Variants in PIK3R6 observed in about 807,000 individuals in gnomAD.
PIK3R6 encodes phosphoinositide 3-kinase regulatory subunit 6.
PIK3R6 carries 91 observed loss-of-function variants against 84.9 expected under a neutral mutation model. The observed-to-expected ratio is 1.07, with a 90% CI of 0.90 to 1.28. The LOEUF is 1.28. PIK3R6 is among the 50% of genes most tolerant of loss of function. PIK3R6 has a pLI of 0.00. For missense variants in PIK3R6, 996 were observed against 985.1 expected (o/e 1.01, Z -0.15); for synonymous variants, 416 against 411.4 (o/e 1.01, Z -0.13).
At chr17:8,829,225 A>T (rs1567587189) in intron 10 of PIK3R6, among the ~76,000 whole-genome samples, 3 of 145,746 alleles carry the variant, frequency 2.1e-5, no homozygotes, top group Non-Finnish European at 4.4e-5. Context: ...ACACACACAC[A>T]GAGACACACT....
In PIK3R6 at chr17:8,834,476, C is replaced by T. The variant is rs142266189; in HGVS notation, c.645+797G>A. On this transcript the variant is annotated intron_variant, in intron 8 of 19. Coordinates refer to ENST00000619866, the MANE Select transcript of PIK3R6 (RefSeq NM_001010855.4). The stretch of plus-strand genomic sequence containing the variant: ...GTGGTACAGTCACAGCTCACTGCAG[C>T]CTTGAACTTGGCTCAAGTGATCCTC... Among the ~76,000 whole-genome samples, 624 of 151,904 alleles carry T rather than the reference C, an allele frequency of 4.1e-3. 2 individuals are homozygous for T. The highest frequency in any genetic ancestry group is 0.014 in the African/African-American group (587 of 41,454).
chr17:8,828,375 G>C (rs2088022125), intron 11 of PIK3R6, among the ~76,000 whole-genome samples, 185 bp from the exon 12 acceptor site: 1 of 151,826 alleles, frequency 6.6e-6, no homozygotes, highest in Non-Finnish European at 1.5e-5. Flanking sequence ...GGTTCACGGA[G>C]CTAACGAACA....
Position 8,808,377 on chromosome 17 carries a change from T to A in PIK3R6, c.1996-4224A>T, listed in dbSNP as rs575443736. On this transcript the variant is annotated intron_variant, in intron 18 of 19. Transcript: ENST00000619866. ...CAACAGTAAGAGACTTTAGCATCCATGGATTTTTGTATCCTTGGGGGTCCC... is the reference window on the plus strand; with the variant it reads ...CAACAGTAAGAGACTTTAGCATCCAAGGATTTTTGTATCCTTGGGGGTCCC... Among the ~76,000 whole-genome samples the A allele has an allele frequency of 2.0e-5, 3 of 152,064 alleles. No individual in the cohort carries two copies. In the East Asian group the frequency reaches 6.0e-4, roughly 31 times the overall value.
intron 13 of PIK3R6, 69 bp downstream of exon 13, chr17:8,827,103 C>T (rs534094747): frequency 1.8e-5 from 27 of 1,539,886 alleles, no homozygotes; most frequent in African/African-American, 8.2e-5. Context: ...TGGGCTCCTC[C>T]GTTCTCCCCT....
intron 17 of PIK3R6, among the ~76,000 whole-genome samples, chr17:8,819,958 T>A (rs570333800): frequency 0.25 from 34,063 of 134,538 alleles, 4,543 homozygotes; most frequent in East Asian, 0.43. Flanking sequence ...TATATATATT[T>A]TTTTTTTGAG....
rs186787600 is a variant in PIK3R6 at position 8,823,267 on chromosome 17, T to C, written c.1626+120A>G. The C allele has an allele frequency of 1.0e-3, 875 of 836,038 alleles. 2 individuals carry two copies. Among genetic ancestry groups the C allele is most frequent in the Middle Eastern group, 2.0e-3 (6 of 2,958 alleles). 51.8% of individuals were successfully genotyped at this position (836,038 alleles called of 1,614,324 possible). On this transcript the variant is annotated intron_variant, in intron 14 of 19. Coordinates refer to ENST00000619866, the MANE Select transcript of PIK3R6 (RefSeq NM_001010855.4). ...TTAGAGATGAAGAAGGTAACGTTAA[T>C]AACCAAGAGCGTCTGGGTGTGTTCA...
intron 9 of PIK3R6, among the ~76,000 whole-genome samples, chr17:8,830,979 T>TA (rs534420730): frequency 6.7e-4 from 102 of 151,324 alleles, no homozygotes; most frequent in African/African-American, 2.4e-3. Context: ...CCGTCTCTAC[T>TA]AAAAAAACAC....
chr17:8,838,658 G>A lies in PIK3R6; in HGVS notation c.98-3C>T, dbSNP rs1259126105. 3.8e-6 allele frequency: 6 copies of A among 1,594,438 alleles called. No homozygotes were observed. The highest frequency in any genetic ancestry group is 5.1e-6 in the Non-Finnish European group (6 of 1,170,436). On this transcript the variant is annotated splice_polypyrimidine_tract_variant and splice_region_variant and intron_variant, in intron 3 of 19. Coordinates refer to ENST00000619866, the MANE Select transcript of PIK3R6 (RefSeq NM_001010855.4). Reference sequence around the variant, plus strand: ...GTGCAGGGACCACCTCCACATGCCTGGGCCAGGAGAAAGGGGAGCCCGGCA... The same window carrying A: ...GTGCAGGGACCACCTCCACATGCCTAGGCCAGGAGAAAGGGGAGCCCGGCA...
chr17:8,812,675 T>A (rs2087393559), intron 18 of PIK3R6, among the ~76,000 whole-genome samples: 1 of 152,060 alleles, frequency 6.6e-6, no homozygotes, highest in Non-Finnish European at 1.5e-5. Flanking sequence ...ATGATAAAAT[T>A]AAGGCAGAAA....
chr17:8,848,430 G>A (rs1045141026), intron 2 of PIK3R6, among the ~76,000 whole-genome samples: 6 of 151,528 alleles, frequency 4.0e-5, no homozygotes, highest in Admixed American at 3.3e-4. Context: ...TTTCATCATT[G>A]TATGAATATC....
intron 9 of PIK3R6, among the ~76,000 whole-genome samples, chr17:8,830,836 C>T (rs980700858): frequency 2.6e-5 from 4 of 152,148 alleles, no homozygotes; most frequent in African/African-American, 9.7e-5. Flanking sequence ...GGGGGTGCTG[C>T]CTGGTCATTA....
chr17:8,803,369 C>T lies in PIK3R6; in HGVS notation c.2169G>A (p.Trp723Ter). The change falls in exon 20 of 20, where the codon TGG (tryptophan) becomes TGA (stop). Residue 723 changes from tryptophan to a stop codon, truncating the protein, a stop_gained. Transcript: ENST00000619866. LOFTEE classifies it low-confidence loss of function (END_TRUNC). This position sits in a 1 kb window ranked among gnomAD's most constrained non-coding sequence, Gnocchi z 5.0. ...CCTCCTGTTGCCCATGCAAATTGAG[C>T]CACGGTGCCTTGGACTTCTGGGCCC... ...CSGAQKSKAPWLNLHGQQEVE... is the reference protein window; with the variant it reads ...CSGAQKSKAP 1 of 1,613,580 alleles carries T rather than the reference C, an allele frequency of 6.2e-7. No homozygotes were observed. Among genetic ancestry groups the T allele is most frequent in the Non-Finnish European group, 8.5e-7 (1 of 1,179,746 alleles).
At chr17:8,840,272 G>A (rs35551257) in intron 2 of PIK3R6, among the ~76,000 whole-genome samples, 7,016 of 66,020 alleles carry the variant, frequency 0.11, 826 homozygotes, top group African/African-American at 0.21. Flanking sequence ...CTACAAATAT[G>A]TATATGAAAT....
intron 2 of PIK3R6, among the ~76,000 whole-genome samples, chr17:8,843,152 A>G (rs2088728894): frequency 1.3e-5 from 2 of 152,240 alleles, no homozygotes; most frequent in Non-Finnish European, 2.9e-5. Flanking sequence ...CATTTAGCTC[A>G]GCATGAAGGT....
At chr17:8,827,866 CA>C (rs1355536680) in intron 12 of PIK3R6, among the ~76,000 whole-genome samples, 1 of 133,566 alleles carries the variant, frequency 7.5e-6, no homozygotes, top group Non-Finnish European at 1.6e-5. Context: ...CCTACAAAAA[CA>C]AAACAAATAG....
At chr17:8,847,157 T>C (rs1335355061) in intron 2 of PIK3R6, among the ~76,000 whole-genome samples, 1 of 152,176 alleles carries the variant, frequency 6.6e-6, no homozygotes, top group African/African-American at 2.4e-5. Flanking sequence ...GCAGGACAAA[T>C]ACTGTTCTCC....
intron 18 of PIK3R6, among the ~76,000 whole-genome samples, chr17:8,815,829 G>T (rs2087516382): frequency 6.6e-6 from 1 of 152,202 alleles, no homozygotes; most frequent in African/African-American, 2.4e-5. Flanking sequence ...TTTGGCTTGT[G>T]CGATGAGTGA....
In PIK3R6 at chr17:8,840,373, A is replaced by G. The variant is rs972828179; in HGVS notation, c.14-676T>C. Among the ~76,000 whole-genome samples the G allele has an allele frequency of 1.1e-4, 15 of 139,786 alleles. No homozygotes were observed. In the South Asian group the frequency reaches 1.4e-3, roughly 13 times the overall value. 91.7% of individuals were successfully genotyped at this position (139,786 alleles called of 152,430 possible). A position where few individuals can be genotyped will look rare whatever the true frequency, so the allele number is the denominator to read the frequency against. On this transcript the variant is annotated intron_variant, in intron 2 of 19. Coordinates refer to ENST00000619866, the MANE Select transcript of PIK3R6 (RefSeq NM_001010855.4). ...TAGCCTCCAAATATGTATATGAAATATATATAGCCTCCAAATATGTATATG... is the reference window on the plus strand; with the variant it reads ...TAGCCTCCAAATATGTATATGAAATGTATATAGCCTCCAAATATGTATATG...
chr17:8,841,885 T>C (rs2088690314), intron 2 of PIK3R6, among the ~76,000 whole-genome samples: 1 of 152,152 alleles, frequency 6.6e-6, no homozygotes, highest in Non-Finnish European at 1.5e-5. Context: ...TGAAATTTGT[T>C]CCCCAGTGTT....
Sources: gnomAD v4.1 joint callset for allele counts (sites outside exome capture counted in the v4.1 genomes callset) on GRCh38, gnomAD v4.1.1 for gene constraint, Gnocchi (gnomAD v3.1) non-coding constraint, MANE v1.5 for transcripts, NCBI Gene and HGNC (gene_info 2026-07-23, HGNC 2026-07-21) for gene names.